OR51B5: variants seen among roughly 807,000 people sequenced by gnomAD.
OR51B5 encodes olfactory receptor family 51 subfamily B member 5, also known as olfactory receptor 51B5.
For synonymous variants in OR51B5, 186 were observed against 144.8 expected, an observed-to-expected ratio of 1.28 and a Z score of -2.04; for missense variants, 456 against 374.6, an observed-to-expected ratio of 1.22 and a Z score of -1.79.
chr11:5,453,751 A>C, intron 1 of OR51B5: 1 of 1,614,160 alleles, frequency 6.2e-7, no homozygotes, highest in African/African-American at 1.3e-5. Flanking sequence ...TTCTGCCTCA[A>C]TGCCCGCAAC....
At chr11:5,390,756 C>T (rs1407004596) in intron 1 of OR51B5, 2 of 171,546 alleles carry the variant, frequency 1.2e-5, no homozygotes, top group African/African-American at 2.4e-5. Context: ...TGCTCTAACT[C>T]ACCTCCGGAA....
intron 1 of OR51B5, among the ~76,000 whole-genome samples, chr11:5,441,919 A>G (rs1435417428): frequency 6.6e-6 from 1 of 152,196 alleles, no homozygotes; most frequent in Non-Finnish European, 1.5e-5. Flanking sequence ...CCTGTAGCTC[A>G]GACTTCACCC....
At position 5,439,045 on chromosome 11, in the gene OR51B5, C is replaced by A. The variant is rs78366300; in HGVS notation, n.84+66524G>T. On this transcript the variant is annotated intron_variant and non_coding_transcript_variant, in intron 1 of 4. Coordinates refer to the OR51B5 transcript ENST00000415970. Reference sequence around the variant, plus strand: ...ACAGTGAAGTTCCATTGACAAATTTCTCTTGCCTAACCATCTCAGTATGAC... The same window carrying A: ...ACAGTGAAGTTCCATTGACAAATTTATCTTGCCTAACCATCTCAGTATGAC... Among the ~76,000 whole-genome samples the A allele has an allele frequency of 8.5e-5, 13 of 152,238 alleles. No individual in the cohort carries two copies. In the East Asian group the frequency reaches 2.3e-3, roughly 27 times the overall value.
chr11:5,373,271 C>A (rs924909349), intron 1 of OR51B5, among the ~76,000 whole-genome samples: 10 of 152,114 alleles, frequency 6.6e-5, no homozygotes, highest in Non-Finnish European at 1.0e-4. Context: ...TAGATATTGT[C>A]TTGATTTGAA....
intron 1 of OR51B5, among the ~76,000 whole-genome samples, chr11:5,483,630 G>C (rs892434624): frequency 1.3e-5 from 2 of 151,314 alleles, no homozygotes; most frequent in African/African-American, 4.9e-5. Flanking sequence ...AGACAGGCTA[G>C]CTGTTTAATT....
intron 1 of OR51B5, among the ~76,000 whole-genome samples, chr11:5,368,238 A>C (rs896185467): frequency 2.0e-5 from 3 of 152,204 alleles, no homozygotes; most frequent in Admixed American, 2.0e-4. Context: ...AGTCTTATGC[A>C]GTAGTTTTGG....
Position 5,495,800 on chromosome 11 carries a change from G to A in OR51B5, n.84+9769C>T, listed in dbSNP as rs533405788. ...TCAAAACATATAGAGTGACTGAATG[G>A]ATAAAACAAGATCCAACTATATACC... is the stretch of plus-strand genomic sequence containing the variant. On this transcript the variant is annotated intron_variant and non_coding_transcript_variant, in intron 1 of 4. Transcript: ENST00000415970. Among the ~76,000 whole-genome samples the A allele has an allele frequency of 3.3e-5, 5 of 152,248 alleles. No homozygotes were observed. The South Asian group carries it at 1.0e-3, about 32-fold the overall frequency.
chr11:5,493,900 T>A (rs757155255), intron 1 of OR51B5, among the ~76,000 whole-genome samples: 1 of 151,126 alleles, frequency 6.6e-6, no homozygotes, highest in Non-Finnish European at 1.5e-5. Flanking sequence ...TGCAATTACC[T>A]TGTTTATCAT....
At chr11:5,391,321 A>C (rs766021213) in intron 1 of OR51B5, 1 of 152,218 alleles carries the variant, frequency 6.6e-6, no homozygotes, top group Non-Finnish European at 1.5e-5. Flanking sequence ...TAAAGCACCA[A>C]ATGCTCCATC....
intron 1 of OR51B5, among the ~76,000 whole-genome samples, chr11:5,363,671 A>G (rs1432042230): frequency 1.3e-5 from 2 of 152,224 alleles, no homozygotes; most frequent in Non-Finnish European, 2.9e-5. Context: ...CAGAAAAAGA[A>G]CAACTCTGCC....
intron 1 of OR51B5, among the ~76,000 whole-genome samples, chr11:5,382,883 C>T (rs1167604996): frequency 5.9e-5 from 9 of 152,024 alleles, no homozygotes; most frequent in Admixed American, 5.2e-4. Context: ...TCTGTATGCC[C>T]CGTTTTGGAG....
At chr11:5,455,881 A>G (rs1025509717) in intron 1 of OR51B5, 10 of 152,184 alleles carry the variant, frequency 6.6e-5, no homozygotes, top group African/African-American at 2.2e-4. Flanking sequence ...CCCACTAAAT[A>G]GATTGCTTTT....
At chr11:5,453,858 G>C (rs1396551350) in intron 1 of OR51B5, 1 of 1,614,190 alleles carries the variant, frequency 6.2e-7, no homozygotes, top group Non-Finnish European at 8.5e-7. Flanking sequence ...TGACCGCTAT[G>C]TGGCCATTTG....
At chr11:5,437,909 G>A (rs568594058) in intron 1 of OR51B5, among the ~76,000 whole-genome samples, 4 of 152,142 alleles carry the variant, frequency 2.6e-5, no homozygotes, top group Non-Finnish European at 2.9e-5. Flanking sequence ...CAAGTGGTGC[G>A]ATGGTTCAGG....
chr11:5,366,111 G>A (rs1009775023), intron 1 of OR51B5, among the ~76,000 whole-genome samples: 38 of 152,170 alleles, frequency 2.5e-4, no homozygotes, highest in African/African-American at 9.2e-4. Context: ...GTCCAGTTGT[G>A]TGTGACTTAG....
chr11:5,480,267 T>C (rs939488258), intron 1 of OR51B5, among the ~76,000 whole-genome samples: 1 of 150,106 alleles, frequency 6.7e-6, no homozygotes, highest in East Asian at 2.0e-4. Context: ...ACTGGATACA[T>C]AACGAAATGA....
intron 1 of OR51B5, among the ~76,000 whole-genome samples, chr11:5,377,033 C>G (rs77635549): frequency 1.3e-5 from 2 of 151,904 alleles, no homozygotes; most frequent in Non-Finnish European, 2.9e-5. Context: ...ATGAATATCC[C>G]TGATGAACAT....
intron 1 of OR51B5, chr11:5,489,192 C>A: frequency 1.2e-6 from 2 of 1,612,324 alleles, no homozygotes; most frequent in Non-Finnish European, 1.7e-6. Context: ...TCTCCCCCTT[C>A]ATCTTCTTGC....
In OR51B5 at chr11:5,389,235, G is replaced by T. The variant is rs1328034198; in HGVS notation, n.85-42325C>A. On this transcript the variant is annotated intron_variant and non_coding_transcript_variant, in intron 1 of 4. Transcript: ENST00000415970. ...AACTGGTGAGGGCGAGGTTATCAAA[G>T]AAAGTTCAATAAAGTAGTGAGATTG... 1.4e-5 allele frequency: 10 copies of T among 720,872 alleles called. No homozygotes were observed. In the African/African-American group the frequency reaches 1.6e-4, roughly 11 times the overall value. 44.7% of individuals were successfully genotyped at this position (720,872 alleles called of 1,614,324 possible). A position where few individuals can be genotyped will look rare whatever the true frequency, so the allele number is the denominator to read the frequency against.
Sources: gnomAD v4.1 joint callset for allele counts (sites outside exome capture counted in the v4.1 genomes callset) on GRCh38, gnomAD v4.1.1 for gene constraint, MANE v1.5 for transcripts, NCBI Gene and HGNC (gene_info 2026-07-23, HGNC 2026-07-21) for gene names.